Variants in MTREX observed in about 807,000 individuals in gnomAD.
MTREX encodes exosome RNA helicase MTR4.
MTREX carries 76 observed loss-of-function variants against 135.4 expected under a neutral mutation model. The observed-to-expected ratio is 0.56, with a 90% confidence interval of 0.47 to 0.68. The LOEUF (loss-of-function observed/expected upper bound fraction) is 0.68, where lower values mean the gene tolerates loss of function less well. Ranked by LOEUF, MTREX falls within the 30% of genes least tolerant of loss-of-function variation. The probability of loss-of-function intolerance (pLI) is 0.00; values close to 1 mark genes in which losing one functional copy is unlikely to be tolerated. For synonymous variants in MTREX, 404 were observed against 401.6 expected, an observed-to-expected ratio of 1.01 and a Z score of -0.07; for missense variants, 920 against 1,262.1, an observed-to-expected ratio of 0.73 and a Z score of 4.11.
chr5:55,374,274 A>G (rs569109350), intron 16 of MTREX, among the ~76,000 whole-genome samples: 2 of 146,422 alleles, frequency 1.4e-5, no homozygotes, highest in Non-Finnish European at 3.0e-5. Context: ...TTATATATAT[A>G]TATATATATA....
intron 22 of MTREX, 65 bp downstream of exon 22, chr5:55,405,653 T>G: frequency 6.9e-7 from 1 of 1,448,784 alleles, no homozygotes; most frequent in Non-Finnish European, 9.4e-7. Context: ...AATTTTTGTT[T>G]ATTTTTTTTG....
At chr5:55,321,351 C>T (rs1435647185) in intron 1 of MTREX, among the ~76,000 whole-genome samples, 1 of 152,104 alleles carries the variant, frequency 6.6e-6, no homozygotes, top group Non-Finnish European at 1.5e-5. Flanking sequence ...ATCCTCTTTT[C>T]TAAAGTGCCC....
At position 55,328,719 on chromosome 5, in the gene MTREX, T is replaced by C. The variant is rs1449559260; in HGVS notation, c.423T>C (p.Asp141=). Residue 141 remains aspartate (D), a synonymous_variant, in exon 5 of 27, where the codon GAT becomes GAC. Transcript: ENST00000230640. Reference sequence around the variant, plus strand: ...TATAGGAATACCCGTTCATTCTTGATGCTTTTCAAAGAGAGGCCATTCAGT... The same window carrying C: ...TATAGGAATACCCGTTCATTCTTGACGCTTTTCAAAGAGAGGCCATTCAGT... ...KAAKEYPFIL[D]AFQREAIQCV... is the part of the protein sequence containing the mutation. 3 of 1,611,932 alleles carry C rather than the reference T, an allele frequency of 1.9e-6. No homozygotes were observed. In the African/African-American group the frequency reaches 4.0e-5, roughly 22 times the overall value.
chr5:55,402,870 G>A (rs1334889976), intron 21 of MTREX, among the ~76,000 whole-genome samples: 2 of 94,540 alleles, frequency 2.1e-5, no homozygotes, highest in African/African-American at 7.2e-5. Context: ...GTGTGTGTGT[G>A]TGTATATATA....
intron 19 of MTREX, among the ~76,000 whole-genome samples, chr5:55,393,555 A>G (rs757638077): frequency 3.3e-5 from 5 of 152,188 alleles, no homozygotes; most frequent in Non-Finnish European, 5.9e-5. Context: ...TTTAGAATGT[A>G]TTGACTTAAA....
Position 55,343,316 on chromosome 5 carries a change from A to G in MTREX, c.782-15A>G, listed in dbSNP as rs768480581. On this transcript the variant is annotated splice_polypyrimidine_tract_variant and intron_variant, in intron 7 of 26. Transcript: ENST00000230640. ...AGTCCAACTATAGTCCAAAGTATAT[A>G]TTTATTTTTTTCAGAACGTGGTGTA... is the stretch of plus-strand genomic sequence containing the variant. 6.3e-7 allele frequency: 1 copy of G among 1,599,032 alleles called. No individual in the cohort carries two copies. Among genetic ancestry groups the G allele is most frequent in the Non-Finnish European group, 8.5e-7 (1 of 1,172,354 alleles).
chr5:55,422,792 G>A (rs551944832), intron 25 of MTREX, 86 bp from the exon 26 acceptor site: 31 of 950,676 alleles, frequency 3.3e-5, no homozygotes, highest in Admixed American at 7.0e-5. Flanking sequence ...TAATTATCGT[G>A]TGTTCTCCTG....
At chr5:55,330,956 CA>C (rs894289806) in intron 5 of MTREX, among the ~76,000 whole-genome samples, 90 of 151,688 alleles carry the variant, frequency 5.9e-4, no homozygotes, top group African/African-American at 2.1e-3. Flanking sequence ...TTTTTTATTG[CA>C]GTGTCTTAAT....
intron 22 of MTREX, 48 bp from the exon 23 acceptor site, chr5:55,410,476 G>C: frequency 1.8e-6 from 2 of 1,106,680 alleles, no homozygotes; most frequent in Middle Eastern, 2.0e-4. Context: ...GTGTGTGCAT[G>C]TGTGTCTTTA....
At chr5:55,319,702 G>A (rs1399160757) in intron 1 of MTREX, among the ~76,000 whole-genome samples, 2 of 152,156 alleles carry the variant, frequency 1.3e-5, no homozygotes, top group Non-Finnish European at 2.9e-5. Flanking sequence ...TAACTCAGAT[G>A]TTTGTGTGCA....
At chr5:55,352,045 TG>T (rs1352978801) in intron 13 of MTREX, among the ~76,000 whole-genome samples, 5 of 151,934 alleles carry the variant, frequency 3.3e-5, no homozygotes, top group East Asian at 3.9e-4. Flanking sequence ...TGTTTTGTTT[TG>T]TTTTTGTTTT....
In MTREX at chr5:55,424,929, GT is replaced by G; in HGVS notation, c.*160del. 1 of 634,036 alleles carries G rather than the reference GT, an allele frequency of 1.6e-6. No individual in the cohort carries two copies. Among genetic ancestry groups the G allele is most frequent in the East Asian group, 2.8e-5 (1 of 36,090 alleles). The allele number at this position is 634,036 out of a possible 1,614,324, so 39.3% of individuals were successfully genotyped here. A position where few individuals can be genotyped will look rare whatever the true frequency, so the allele number is the denominator to read the frequency against. ...TTCATAGAAAGCATATTACATACAT[GT>G]TTATACATAAGCATTACATTTTTTT... On this transcript the variant is annotated 3_prime_UTR_variant, in exon 27 of 27. Coordinates refer to ENST00000230640, the MANE Select transcript of MTREX (RefSeq NM_015360.5).
At chr5:55,358,455 C>T (rs1002965636) in intron 14 of MTREX, 118 bp from the exon 15 acceptor site, 5 of 851,520 alleles carry the variant, frequency 5.9e-6, no homozygotes, top group Admixed American at 3.6e-5. Context: ...TGTTTTTAAT[C>T]ATGTTTCCTT....
intron 23 of MTREX, among the ~76,000 whole-genome samples, chr5:55,413,763 T>C (rs2111618655): frequency 6.6e-6 from 1 of 152,294 alleles, no homozygotes. Context: ...GAGTTTTCAG[T>C]TTCAAACTTT....
intron 7 of MTREX, 130 bp from the exon 8 acceptor site, chr5:55,343,201 T>G (rs967712604): frequency 5.0e-6 from 4 of 800,658 alleles, no homozygotes; most frequent in Non-Finnish European, 7.6e-6. Flanking sequence ...TAAGGTTCTG[T>G]GGCTTAAAAT....
chr5:55,367,786 T>G lies in MTREX; in HGVS notation c.1810+911T>G, dbSNP rs186438953. Among the ~76,000 whole-genome samples the G allele has an allele frequency of 1.1e-3, 160 of 152,302 alleles. 1 individual carries two copies. Among genetic ancestry groups the G allele is most frequent in the African/African-American group, 3.7e-3 (154 of 41,578 alleles). On this transcript the variant is annotated intron_variant, in intron 16 of 26. Transcript: ENST00000230640. ...TAAAAGCTAAAATGGAGGCAACGATTTAAAGTACTGGTTTTCATTTGAATG... is the reference window on the plus strand; with the variant it reads ...TAAAAGCTAAAATGGAGGCAACGATGTAAAGTACTGGTTTTCATTTGAATG...
At position 55,410,509 on chromosome 5, in the gene MTREX, G is replaced by C; in HGVS notation, c.2646-15G>C. ...TTATATTCTGACATTTTATTCTTTT[G>C]TTTTGCCATTGTAGTGCTGATGAGC... On this transcript the variant is annotated splice_polypyrimidine_tract_variant and intron_variant, in intron 22 of 26. Coordinates refer to ENST00000230640, the MANE Select transcript of MTREX (RefSeq NM_015360.5). 1 of 1,239,916 alleles carries C rather than the reference G, an allele frequency of 8.1e-7. No homozygotes were observed. Among genetic ancestry groups the C allele is most frequent in the Non-Finnish European group, 1.1e-6 (1 of 876,314 alleles). 76.8% of individuals were successfully genotyped at this position (1,239,916 alleles called of 1,614,324 possible). A position where few individuals can be genotyped will look rare whatever the true frequency, so the allele number is the denominator to read the frequency against.
At chr5:55,385,150 G>C (rs113677247) in intron 18 of MTREX, among the ~76,000 whole-genome samples, 13 of 152,304 alleles carry the variant, frequency 8.5e-5, no homozygotes, top group African/African-American at 3.1e-4. Flanking sequence ...TTCTAAAGCT[G>C]GGGGTGGGGA....
At chr5:55,423,977 A>T (rs922929960) in intron 26 of MTREX, 3 of 152,086 alleles carry the variant, frequency 2.0e-5, no homozygotes, top group African/African-American at 7.2e-5. Flanking sequence ...AATAATTTGT[A>T]ATCAAAATTT....
Sources: allele counts gnomAD v4.1 joint callset (sites outside exome capture counted in the v4.1 genomes callset), GRCh38; gene constraint gnomAD v4.1.1; transcripts MANE v1.5; gene names NCBI Gene and HGNC (gene_info 2026-07-23, HGNC 2026-07-21).